The following LEPR variants were observed in gnomAD, a reference collection of about 807,000 sequenced individuals.
LEPR encodes leptin receptor, also known as OB receptor.
In LEPR, 56 loss-of-function variants were observed where a neutral mutation model predicts 114.7. The ratio of observed to expected loss-of-function variants is 0.49; its 90% CI spans 0.39 to 0.61. The LOEUF is 0.61. Among genes scored for constraint, LEPR ranks in the 20% least tolerant of loss-of-function variants. The pLI is 0.00. For missense variants in LEPR, 1,202 were observed against 1,352.9 expected, an observed-to-expected ratio of 0.89 and a Z score of 1.75; for synonymous variants, 443 against 461.4, an observed-to-expected ratio of 0.96 and a Z score of 0.51.
chr1:65,455,988 G>A (rs201174551), intron 2 of LEPR, among the ~76,000 whole-genome samples: 2 of 152,050 alleles, frequency 1.3e-5, no homozygotes, highest in Admixed American at 6.6e-5. Flanking sequence ...CTCCTGGTGC[G>A]CCATTTTTTA....
chr1:65,465,510 G>A (rs1258618062), intron 2 of LEPR, among the ~76,000 whole-genome samples: 1 of 152,168 alleles, frequency 6.6e-6, no homozygotes, highest in East Asian at 1.9e-4. Flanking sequence ...TGTTGATTTG[G>A]GGTGGAGAAT....
chr1:65,440,731 G>A (rs1007086423), intron 2 of LEPR, among the ~76,000 whole-genome samples: 2 of 152,142 alleles, frequency 1.3e-5, no homozygotes, highest in African/African-American at 2.4e-5. Flanking sequence ...GGATCCTATG[G>A]GGCCCAGCAG....
intron 4 of LEPR, 28 bp downstream of exon 4, chr1:65,570,830 T>C: frequency 1.3e-6 from 2 of 1,501,684 alleles, no homozygotes; most frequent in East Asian, 2.3e-5. Flanking sequence ...TTTAAATGTA[T>C]TGAACAATGT....
chr1:65,631,191 G>A (rs1658504608), intron 19 of LEPR, among the ~76,000 whole-genome samples: 1 of 152,088 alleles, frequency 6.6e-6, no homozygotes, highest in African/African-American at 2.4e-5. Context: ...CAGTTCCTTA[G>A]TTGCTTTTGA....
intron 1 of LEPR, 78 bp from the exon 2 acceptor site, chr1:65,425,225 C>G (rs995479031): frequency 8.1e-7 from 1 of 1,227,050 alleles, no homozygotes; most frequent in Non-Finnish European, 1.2e-6. Flanking sequence ...TTAGAAGTCA[C>G]TCCCCATTTC....
chr1:65,431,410 A>G (rs1646482329), intron 2 of LEPR, among the ~76,000 whole-genome samples: 1 of 152,246 alleles, frequency 6.6e-6, no homozygotes, highest in Non-Finnish European at 1.5e-5. Context: ...TCTTGCCTAG[A>G]AAAGAAACAC....
At chr1:65,502,938 T>C (rs975859471) in intron 2 of LEPR, among the ~76,000 whole-genome samples, 15 of 148,056 alleles carry the variant, frequency 1.0e-4, no homozygotes, top group Admixed American at 6.8e-4. Flanking sequence ...GTCCCCAGAA[T>C]GAAGTTAATA....
intron 2 of LEPR, among the ~76,000 whole-genome samples, chr1:65,429,208 A>G (rs1193750670): frequency 6.6e-6 from 1 of 152,118 alleles, no homozygotes; most frequent in East Asian, 1.9e-4. Flanking sequence ...GTCAGTTTAG[A>G]TCACATGGTA....
chr1:65,546,189 C>T (rs12122544), intron 2 of LEPR, among the ~76,000 whole-genome samples: 9,645 of 152,170 alleles, frequency 0.063, 494 homozygotes, highest in South Asian at 0.27. Flanking sequence ...GTACCAGTAC[C>T]GTGCTGTTTT....
chr1:65,511,959 T>G (rs904244900), intron 2 of LEPR, among the ~76,000 whole-genome samples: 1 of 152,158 alleles, frequency 6.6e-6, no homozygotes, highest in Non-Finnish European at 1.5e-5. Flanking sequence ...TGACTCATGG[T>G]TCTGCAGACT....
chr1:65,579,177 C>A (rs1313675490), intron 5 of LEPR, among the ~76,000 whole-genome samples: 1 of 152,170 alleles, frequency 6.6e-6, no homozygotes, highest in Non-Finnish European at 1.5e-5. Context: ...GGGCAACCAG[C>A]AAGTAGACAA....
rs61781316 is a variant in LEPR, at chr1:65,636,934, A to G, written c.3417A>G (p.Ala1139=). The part of the protein sequence containing the change: ...NLGTSSKKTF[A]SYMPQFQTCS... Reference sequence around the variant, plus strand: ...GAACTTCTAGTAAGAAGACTTTTGCATCTTACATGCCTCAATTCCAAACTT... The same window carrying G: ...GAACTTCTAGTAAGAAGACTTTTGCGTCTTACATGCCTCAATTCCAAACTT... The change falls in exon 20 of 20, where the codon GCA becomes GCG. Residue 1139 remains alanine, a synonymous_variant. Coordinates refer to ENST00000349533, the MANE Select transcript of LEPR (RefSeq NM_002303.6). 4.2e-3 allele frequency: 6,676 copies of G among 1,608,442 alleles called. 16 individuals carry two copies. Among genetic ancestry groups the G allele is most frequent in the Middle Eastern group, 5.7e-3 (34 of 6,016 alleles).
At chr1:65,468,473 G>A (rs1002886316) in intron 2 of LEPR, among the ~76,000 whole-genome samples, 2 of 152,138 alleles carry the variant, frequency 1.3e-5, no homozygotes, top group African/African-American at 4.8e-5. Flanking sequence ...AAAATAAAAA[G>A]CTTCCTTAAA....
intron 2 of LEPR, among the ~76,000 whole-genome samples, chr1:65,455,076 G>A (rs545375621): frequency 3.3e-5 from 5 of 152,064 alleles, no homozygotes; most frequent in South Asian, 4.2e-4. Context: ...TGATCGCATC[G>A]GCTCCTGAGG....
chr1:65,484,598 A>G (rs1160976167), intron 2 of LEPR, among the ~76,000 whole-genome samples: 2 of 152,176 alleles, frequency 1.3e-5, no homozygotes, highest in Non-Finnish European at 2.9e-5. Flanking sequence ...ATGATAAAGA[A>G]CACCGAAGGT....
intron 3 of LEPR, among the ~76,000 whole-genome samples, chr1:65,567,031 A>G (rs1653815125): frequency 6.6e-6 from 1 of 152,124 alleles, no homozygotes; most frequent in Non-Finnish European, 1.5e-5. Flanking sequence ...AGTGTTTTAC[A>G]TTGACTTTCT....
intron 2 of LEPR, among the ~76,000 whole-genome samples, chr1:65,428,458 A>G (rs533919273): frequency 9.2e-5 from 14 of 152,302 alleles, no homozygotes; most frequent in African/African-American, 3.1e-4. Context: ...GCTACTTCCC[A>G]CAATATTGTT....
intron 2 of LEPR, among the ~76,000 whole-genome samples, chr1:65,550,482 C>T (rs1284955769): frequency 6.6e-6 from 1 of 152,226 alleles, no homozygotes; most frequent in African/African-American, 2.4e-5. Context: ...GTTCGAGCTT[C>T]CTGGCTGTTT....
chr1:65,581,157 C>G (rs1654954641), intron 5 of LEPR, among the ~76,000 whole-genome samples: 1 of 152,166 alleles, frequency 6.6e-6, no homozygotes, highest in Admixed American at 6.5e-5. Flanking sequence ...TTGTTCACCC[C>G]TTGTCATGGA....
Sources: allele counts gnomAD v4.1 joint callset (sites outside exome capture counted in the v4.1 genomes callset), GRCh38; gene constraint gnomAD v4.1.1; transcripts MANE v1.5; gene names NCBI Gene and HGNC (gene_info 2026-07-23, HGNC 2026-07-21).